Variants in ZDHHC11 observed in about 807,000 individuals in gnomAD.
ZDHHC11 encodes the protein zDHHC palmitoyltransferase 11.
ZDHHC11 carries 44 observed loss-of-function variants against 51.3 expected under a neutral mutation model. The ratio of observed to expected loss-of-function variants is 0.86; its 90% CI spans 0.67 to 1.10. The LOEUF is 1.10. Among genes scored for constraint, ZDHHC11 ranks in the 50% least tolerant of loss-of-function variants. The pLI is 0.00. For synonymous variants in ZDHHC11, 163 were observed against 222.0 expected, an observed-to-expected ratio of 0.73 and a Z score of 2.36; for missense variants, 400 against 537.7, an observed-to-expected ratio of 0.74 and a Z score of 2.53.
chr5:856,338 C>T (rs1475778315), intron 1 of ZDHHC11, among the ~76,000 whole-genome samples: 3 of 150,534 alleles, frequency 2.0e-5, no homozygotes, highest in Non-Finnish European at 4.4e-5. Flanking sequence ...CGCCACACAC[C>T]ACACAATACA....
intron 5 of ZDHHC11, chr5:839,610 G>A (rs1744438284): frequency 6.7e-6 from 1 of 149,988 alleles, no homozygotes; most frequent in South Asian, 2.1e-4. Flanking sequence ...GGTAACCTGT[G>A]GTTATGAACA....
rs1350026560 is a variant in ZDHHC11 at position 796,395 on chromosome 5, G to A, written c.*193C>T. On this transcript the variant is annotated 3_prime_UTR_variant, in exon 13 of 13. Transcript: ENST00000283441. ...GATGAAGATGATGACAGAGATGGAT[G>A]CTGGGCTCTGAGGGTCCTGGTTCCT... 4.7e-4 allele frequency: 71 copies of A among 150,698 alleles called. No individual in the cohort carries two copies. The highest frequency in any genetic ancestry group is 1.7e-3 in the African/African-American group (67 of 40,468). 9.3% of individuals were successfully genotyped at this position (150,698 alleles called of 1,614,324 possible). A position where few individuals can be genotyped will look rare whatever the true frequency, so the allele number is the denominator to read the frequency against.
chr5:817,384 T>C (rs1238363252), intron 10 of ZDHHC11, among the ~76,000 whole-genome samples: 2 of 151,542 alleles, frequency 1.3e-5, no homozygotes, highest in African/African-American at 4.8e-5. Flanking sequence ...CCATATGTGT[T>C]TCCTTGAAGA....
At chr5:854,536 G>A (rs1279121340), upstream of ZDHHC11, among the ~76,000 whole-genome samples, 1 of 148,774 alleles carries the variant, frequency 6.7e-6, no homozygotes, top group Non-Finnish European at 1.5e-5. Context: ...AGGACAGCGA[G>A]CCGGGGAGAC....
chr5:814,592 T>G (rs1327317155), intron 11 of ZDHHC11, among the ~76,000 whole-genome samples, 169 bp downstream of exon 11: 1 of 151,540 alleles, frequency 6.6e-6, no homozygotes, highest in Non-Finnish European at 1.5e-5. Context: ...GTAAGATGAG[T>G]GCAATAAGCC....
intron 1 of ZDHHC11, among the ~76,000 whole-genome samples, chr5:856,118 T>C (rs1748202099): frequency 1.3e-5 from 2 of 152,056 alleles, no homozygotes; most frequent in African/African-American, 2.4e-5. Context: ...CACCGTGGCC[T>C]GTAAGCACGT....
upstream of ZDHHC11, among the ~76,000 whole-genome samples, chr5:860,170 G>A (rs369506088): frequency 1.3e-4 from 20 of 152,200 alleles, no homozygotes; most frequent in African/African-American, 4.6e-4. This position sits in a 1 kb window ranked among gnomAD's most constrained non-coding sequence, Gnocchi z 4.2. Context: ...AGGACGACAT[G>A]GGGGGAAGGG....
chr5:838,354 C>G (rs909110197), intron 5 of ZDHHC11, among the ~76,000 whole-genome samples: 4 of 152,076 alleles, frequency 2.6e-5, no homozygotes, highest in Admixed American at 2.6e-4. Flanking sequence ...GCCAAACTCT[C>G]CATGCTTCTT....
At chr5:851,277 G>A (rs956468151), upstream of ZDHHC11, among the ~76,000 whole-genome samples, 2 of 152,174 alleles carry the variant, frequency 1.3e-5, no homozygotes, top group East Asian at 1.9e-4. Context: ...GTCTCCGCCC[G>A]GGTGGACAGT....
chr5:859,204 C>T (rs1449822193), upstream of ZDHHC11, among the ~76,000 whole-genome samples: 3 of 152,162 alleles, frequency 2.0e-5, no homozygotes, highest in Non-Finnish European at 4.4e-5. Context: ...TACTAGGCCC[C>T]TGCTTGGATG....
chr5:850,464 C>T lies in ZDHHC11; in HGVS notation c.139G>A (p.Ala47Thr), dbSNP rs746053017. 3 of 1,613,648 alleles carry T rather than the reference C, an allele frequency of 1.9e-6. No individual in the cohort carries two copies. The highest frequency in any genetic ancestry group is 2.2e-5 in the East Asian group (1 of 44,882). Reference sequence around the variant, plus strand: ...GCCGAGGAAAGGCCCACGAAGACAGCCCAGGTCACCACCTGGAAGTAGTGC... The same window carrying T: ...GCCGAGGAAAGGCCCACGAAGACAGTCCAGGTCACCACCTGGAAGTAGTGC... Reference protein sequence around the residue: ...PLHYFQVVTWAVFVGLSSATF... With the variant: ...PLHYFQVVTWTVFVGLSSATF... The change falls in exon 1 of 13, where the codon GCT becomes ACT. Residue 47 changes from alanine (A) to threonine (T), a missense_variant. Ala to Thr is a moderately conservative substitution (Grantham distance 58). Coordinates refer to ENST00000283441, the MANE Select transcript of ZDHHC11 (RefSeq NM_024786.3).
At chr5:840,705 C>A (rs1744700918) in intron 4 of ZDHHC11, 55 bp from the exon 5 acceptor site, 1 of 1,608,688 alleles carries the variant, frequency 6.2e-7, no homozygotes, top group Non-Finnish European at 8.5e-7. Flanking sequence ...GGTGCCACAT[C>A]AGGTGGACGT....
At chr5:849,395 C>T (rs1347087385) in intron 1 of ZDHHC11, among the ~76,000 whole-genome samples, 2 of 152,148 alleles carry the variant, frequency 1.3e-5, no homozygotes, top group Admixed American at 1.3e-4. Flanking sequence ...GGATGCAGCC[C>T]CAAAGGCCCT....
chr5:847,963 C>T (rs1343689494), intron 2 of ZDHHC11, among the ~76,000 whole-genome samples: 1 of 151,880 alleles, frequency 6.6e-6, no homozygotes, highest in Non-Finnish European at 1.5e-5. Flanking sequence ...AGGCCGGGGG[C>T]TTGGATCCCA....
At chr5:852,041 G>A (rs1222863152), upstream of ZDHHC11, among the ~76,000 whole-genome samples, 1 of 148,834 alleles carries the variant, frequency 6.7e-6, no homozygotes, top group Non-Finnish European at 1.5e-5. Context: ...GGGCAACAGA[G>A]GGAGACTCCA....
rs1357925241 is a variant in ZDHHC11 at position 813,755 on chromosome 5, G to A, written c.1181+1006C>T. ...GCAGGCTGGGGTGGGGGCTTCCCCTGTGGGGCCGGCTGGGACTCCCTGCAG... is the reference window on the plus strand; with the variant it reads ...GCAGGCTGGGGTGGGGGCTTCCCCTATGGGGCCGGCTGGGACTCCCTGCAG... On this transcript the variant is annotated intron_variant, in intron 11 of 12. Coordinates refer to ENST00000283441, the MANE Select transcript of ZDHHC11 (RefSeq NM_024786.3). Among the ~76,000 whole-genome samples the A allele has an allele frequency of 1.4e-5, 2 of 146,110 alleles. 1 individual carries two copies. Among genetic ancestry groups the A allele is most frequent in the Non-Finnish European group, 3.0e-5 (2 of 67,280 alleles).
intron 4 of ZDHHC11, chr5:841,190 C>G: frequency 1.9e-6 from 2 of 1,048,638 alleles, no homozygotes; most frequent in Non-Finnish European, 2.3e-6. Flanking sequence ...GTCACAGCAC[C>G]CACCCCTTCC....
chr5:850,857 G>C lies in ZDHHC11; in HGVS notation c.-255C>G. 1.8e-6 allele frequency: 1 copy of C among 546,530 alleles called. No individual in the cohort carries two copies. The highest frequency in any genetic ancestry group is 2.9e-5 in the East Asian group (1 of 34,588). 33.9% of individuals were successfully genotyped at this position (546,530 alleles called of 1,614,324 possible). A position where few individuals can be genotyped will look rare whatever the true frequency, so the allele number is the denominator to read the frequency against. On this transcript the variant is annotated 5_prime_UTR_variant, in exon 1 of 13. Coordinates refer to ENST00000283441, the MANE Select transcript of ZDHHC11 (RefSeq NM_024786.3). ...CCCCGGCCAGAGCCGAGTGGCAACG[G>C]AAAACGGCTCTCCAGGGTGTGGAGG...
Position 850,422 on chromosome 5 carries a change from T to C in ZDHHC11, c.181A>G (p.Ile61Val). 1 of 1,613,516 alleles carries C rather than the reference T, an allele frequency of 6.2e-7. No individual in the cohort carries two copies. Among genetic ancestry groups the C allele is most frequent in the Non-Finnish European group, 8.5e-7 (1 of 1,179,994 alleles). Residue 61 changes from isoleucine to valine, a missense_variant, in exon 1 of 13, where the codon ATT becomes GTT. Transcript: ENST00000283441. ...GLSSATFGIF[I>V]PFLPHAWKYI... ...TTCCACGCGTGAGGCAGGAAGGGAATGAAGATCCCGAAGGTGGCCGAGGAA... is the reference window on the plus strand; with the variant it reads ...TTCCACGCGTGAGGCAGGAAGGGAACGAAGATCCCGAAGGTGGCCGAGGAA...
Sources: allele counts gnomAD v4.1 joint callset (sites outside exome capture counted in the v4.1 genomes callset), GRCh38; gene constraint gnomAD v4.1.1; non-coding constraint Gnocchi (gnomAD v3.1); transcripts MANE v1.5; gene names NCBI Gene and HGNC (gene_info 2026-07-23, HGNC 2026-07-21).